ZBED6: variants seen among roughly 807,000 people sequenced by gnomAD.
ZBED6 encodes zinc finger BED domain-containing protein 6.
In ZBED6, 40 loss-of-function variants were observed where a neutral mutation model predicts 58.4. The observed-to-expected ratio is 0.68, with a 90% CI of 0.53 to 0.89. The LOEUF (loss-of-function observed/expected upper bound fraction) is 0.89, where lower values mean the gene tolerates loss of function less well. ZBED6 is among the 40% of genes least tolerant of loss of function. ZBED6 has a pLI of 0.00. For synonymous variants in ZBED6, 439 were observed against 350.6 expected (o/e 1.25, Z -2.82); for missense variants, 1,057 against 1,003.9 (o/e 1.05, Z -0.71).
At position 203,848,328 on chromosome 1, in the gene ZBED6, C is replaced by A; in HGVS notation, c.*4246-3C>A. On this transcript the variant is annotated splice_polypyrimidine_tract_variant and splice_region_variant and intron_variant, in intron 12 of 16. Coordinates refer to ENST00000550078, the Ensembl canonical transcript of ZBED6. ...ACTAATGATGTCTTTAATGTGAATACAGGGATGAAAGAAGAGAAGAACCTT... is the reference window on the plus strand; with the variant it reads ...ACTAATGATGTCTTTAATGTGAATAAAGGGATGAAAGAAGAGAAGAACCTT... 6.2e-7 allele frequency: 1 copy of A among 1,610,520 alleles called. No homozygotes were observed. The highest frequency in any genetic ancestry group is 8.5e-7 in the Non-Finnish European group (1 of 1,178,412).
At chr1:203,847,394 A>G (rs775722695) in exon 12 of ZBED6, 2 of 1,614,016 alleles carry the variant, frequency 1.2e-6, no homozygotes, top group East Asian at 4.5e-5. Flanking sequence ...CATCGGCAGC[A>G]GGAAGCAGAG....
At chr1:203,844,352 G>T (rs192007003) in intron 11 of ZBED6, among the ~76,000 whole-genome samples, 220 of 151,514 alleles carry the variant, frequency 1.5e-3, no homozygotes, top group African/African-American at 5.1e-3. Flanking sequence ...TAGAGACGGG[G>T]TTTCACCCTG....
chr1:203,805,342 A>C (rs1571937325), intron 1 of ZBED6, among the ~76,000 whole-genome samples: 1 of 152,008 alleles, frequency 6.6e-6, no homozygotes, highest in Non-Finnish European at 1.5e-5. Context: ...CATGTTGGCC[A>C]GGCTGGTCTC....
chr1:203,812,058 C>G (rs1297325083), intron 1 of ZBED6, among the ~76,000 whole-genome samples: 1 of 152,108 alleles, frequency 6.6e-6, no homozygotes, highest in Non-Finnish European at 1.5e-5. Context: ...CTCAAGTGAT[C>G]CACCCACCTC....
exon 1 of ZBED6, chr1:203,796,783 A>C (rs1668658726): frequency 4.2e-6 from 1 of 240,352 alleles, no homozygotes; most frequent in Non-Finnish European, 7.9e-6. Context: ...TCTTAATACA[A>C]ACAGTACTTT....
chr1:203,799,532 T>C, exon 1 of ZBED6: 1 of 703,036 alleles, frequency 1.4e-6, no homozygotes, highest in South Asian at 1.5e-5. Context: ...ATAGTCTTGG[T>C]AGAGCCAGTG....
intron 3 of ZBED6, among the ~76,000 whole-genome samples, chr1:203,821,964 A>C (rs778303275): frequency 6.6e-6 from 1 of 152,042 alleles, no homozygotes; most frequent in Non-Finnish European, 1.5e-5. Flanking sequence ...TCACCGTGTT[A>C]GCCAGGATGG....
At chr1:203,845,448 T>C (rs1687622005) in intron 11 of ZBED6, among the ~76,000 whole-genome samples, 1 of 152,226 alleles carries the variant, frequency 6.6e-6, no homozygotes, top group African/African-American at 2.4e-5. Flanking sequence ...GGTACCTAAA[T>C]ACAGTCGTTG....
At chr1:203,803,265 C>T (rs1671077987) in intron 1 of ZBED6, among the ~76,000 whole-genome samples, 1 of 152,072 alleles carries the variant, frequency 6.6e-6, no homozygotes, top group Non-Finnish European at 1.5e-5. Context: ...CATCTTGGCT[C>T]ACTGCAACCT....
At chr1:203,823,995 G>T (rs1047690959) in intron 3 of ZBED6, among the ~76,000 whole-genome samples, 1 of 152,098 alleles carries the variant, frequency 6.6e-6, no homozygotes, top group African/African-American at 2.4e-5. Flanking sequence ...GAAGCCGGGC[G>T]CCGTGGCTCA....
exon 15 of ZBED6, chr1:203,850,667 A>G: frequency 6.2e-7 from 1 of 1,613,998 alleles, no homozygotes; most frequent in Non-Finnish European, 8.5e-7. Flanking sequence ...ACCCCCAGCC[A>G]AAAAGGCAGC....
Position 203,797,393 on chromosome 1 carries a change from TC to T in ZBED6, c.-128del, listed in dbSNP as rs1668897814. Reference sequence around the variant, plus strand: ...AATAACCTGGCTTGGAAGTTATTGGTCCAGTGGGAATTTGATTCCCCATAGA... The same window carrying T: ...AATAACCTGGCTTGGAAGTTATTGGTCAGTGGGAATTTGATTCCCCATAGA... On this transcript the variant is annotated 5_prime_UTR_variant, in exon 1 of 17. An upstream open reading frame in the 5' UTR loses its in-frame stop. Transcript: ENST00000550078. The T allele has an allele frequency of 3.5e-6, 3 of 860,636 alleles. No individual in the cohort carries two copies. Among genetic ancestry groups the T allele is most frequent in the Non-Finnish European group, 5.0e-6 (3 of 595,110 alleles). 53.3% of individuals were successfully genotyped at this position (860,636 alleles called of 1,614,324 possible).
chr1:203,822,491 T>C (rs1240514835), intron 3 of ZBED6, among the ~76,000 whole-genome samples: 2 of 152,120 alleles, frequency 1.3e-5, no homozygotes, highest in Non-Finnish European at 2.9e-5. Context: ...TACTTTGTGC[T>C]GAGCGGCCCT....
exon 1 of ZBED6, chr1:203,798,004 G>A: frequency 6.5e-7 from 1 of 1,533,900 alleles, no homozygotes. Context: ...GTCAGCAGGG[G>A]TAAACCAGGT....
chr1:203,808,459 A>G (rs1036134293), intron 1 of ZBED6, among the ~76,000 whole-genome samples: 5 of 152,198 alleles, frequency 3.3e-5, no homozygotes, highest in African/African-American at 1.2e-4. Flanking sequence ...GCATTTGATG[A>G]TCCCCTTTAA....
At position 203,809,846 on chromosome 1, in the gene ZBED6, C is replaced by T. The variant is rs536036157; in HGVS notation, c.*2554+6830C>T. Among the ~76,000 whole-genome samples the T allele has an allele frequency of 2.0e-3, 306 of 152,012 alleles. 1 individual carries two copies. The highest frequency in any genetic ancestry group is 7.1e-3 in the African/African-American group (296 of 41,454). On this transcript the variant is annotated intron_variant, in intron 1 of 16. Coordinates refer to ENST00000550078, the Ensembl canonical transcript of ZBED6. ...GCAGGCGCCTGTAATTCCAGCTACTCGGGAGGGTGAGGCAGGAGAATTGCT... is the reference window on the plus strand; with the variant it reads ...GCAGGCGCCTGTAATTCCAGCTACTTGGGAGGGTGAGGCAGGAGAATTGCT...
At chr1:203,804,595 A>T (rs924842426) in intron 1 of ZBED6, among the ~76,000 whole-genome samples, 1 of 150,852 alleles carries the variant, frequency 6.6e-6, no homozygotes, top group Non-Finnish European at 1.5e-5. Context: ...TATTATTTTC[A>T]ATTTGTTTTA....
rs936552189 is a variant in ZBED6 at position 203,848,545 on chromosome 1, A to G, written c.*4322+138A>G. On this transcript the variant is annotated intron_variant, in intron 13 of 16. Coordinates refer to ENST00000550078, the Ensembl canonical transcript of ZBED6. ...TCTTTCTTTTTACTTATAATTTCTT[A>G]TGAGAATTTCCTGTAGTTCTATGTA... 9 of 669,230 alleles carry G rather than the reference A, an allele frequency of 1.3e-5. No homozygotes were observed. The African/African-American group carries it at 1.7e-4, about 13-fold the overall frequency. The allele number at this position is 669,230 out of a possible 1,614,324, so 41.5% of individuals were successfully genotyped here. A position where few individuals can be genotyped will look rare whatever the true frequency, so the allele number is the denominator to read the frequency against.
intron 1 of ZBED6, chr1:203,805,501 A>G (rs1672017434): frequency 5.3e-5 from 24 of 449,664 alleles, no homozygotes; most frequent in South Asian, 4.0e-4. Flanking sequence ...TAGAAGAGCA[A>G]TGTAATTAAA....
Sources: allele counts gnomAD v4.1 joint callset (sites outside exome capture counted in the v4.1 genomes callset), GRCh38; gene constraint gnomAD v4.1.1; transcripts MANE v1.5; gene names NCBI Gene and HGNC (gene_info 2026-07-23, HGNC 2026-07-21).